The following ROBO1 variants were observed in gnomAD, a reference collection of about 807,000 sequenced individuals.
ROBO1 encodes roundabout guidance receptor 1.
Under a neutral mutation model 195.9 loss-of-function variants are expected in ROBO1, and 149 were observed. The ratio of observed to expected loss-of-function variants is 0.76; its 90% CI spans 0.67 to 0.87. The LOEUF is 0.87. ROBO1 is among the 40% of genes least tolerant of loss of function. ROBO1 has a pLI of 0.00. For missense variants in ROBO1, 1,933 were observed against 2,068.3 expected (o/e 0.93, Z 1.27); for synonymous variants, 816 against 733.2 (o/e 1.11, Z -1.82).
intron 2 of ROBO1, among the ~76,000 whole-genome samples, chr3:79,417,763 A>G (rs2038064038): frequency 1.3e-5 from 2 of 152,162 alleles, no homozygotes; most frequent in African/African-American, 4.8e-5. Flanking sequence ...AATTTGCACA[A>G]TTGCATTCTA....
intron 4 of ROBO1, chr3:78,759,044 G>A (rs2083018640): frequency 6.6e-6 from 1 of 152,278 alleles, no homozygotes; most frequent in Non-Finnish European, 1.5e-5. Flanking sequence ...AGAGGTGCTG[G>A]AGAGCGCCTT....
intron 2 of ROBO1, among the ~76,000 whole-genome samples, chr3:79,178,852 A>G (rs750401816): frequency 6.6e-6 from 1 of 152,200 alleles, no homozygotes; most frequent in Non-Finnish European, 1.5e-5. Context: ...ATAACGTTCA[A>G]TCTCAAAATC....
chr3:78,641,358 A>G (rs369491464), intron 21 of ROBO1, among the ~76,000 whole-genome samples: 3 of 152,304 alleles, frequency 2.0e-5, no homozygotes, highest in Admixed American at 2.0e-4. Flanking sequence ...GAGAGTACTA[A>G]AAGTTCCTAA....
intron 2 of ROBO1, among the ~76,000 whole-genome samples, chr3:79,457,247 A>G (rs1271612078): frequency 6.6e-6 from 1 of 152,170 alleles, no homozygotes; most frequent in African/African-American, 2.4e-5. Flanking sequence ...CTTTTGCAAA[A>G]TAATTTTTAA....
chr3:79,065,244 A>C (rs942865968), intron 3 of ROBO1, among the ~76,000 whole-genome samples: 4 of 151,996 alleles, frequency 2.6e-5, no homozygotes, highest in Non-Finnish European at 5.9e-5. Context: ...TGTGGGTACA[A>C]AGCATATTAG....
intron 19 of ROBO1, among the ~76,000 whole-genome samples, chr3:78,650,967 C>T (rs1013691804): frequency 6.6e-6 from 1 of 152,142 alleles, no homozygotes; most frequent in African/African-American, 2.4e-5. Flanking sequence ...ATCTGTCTGA[C>T]ACTGTTAACA....
At chr3:79,668,489 T>A (rs1946537328) in intron 1 of ROBO1, among the ~76,000 whole-genome samples, 1 of 151,606 alleles carries the variant, frequency 6.6e-6, no homozygotes, top group Non-Finnish European at 1.5e-5. Flanking sequence ...TTTAAAAATC[T>A]AATTAATTAG....
intron 3 of ROBO1, among the ~76,000 whole-genome samples, chr3:79,007,307 A>C (rs528795579): frequency 1.3e-5 from 2 of 152,310 alleles, no homozygotes; most frequent in South Asian, 2.1e-4. Flanking sequence ...AAGTTTTATA[A>C]AAATTGTAAA....
intron 4 of ROBO1, among the ~76,000 whole-genome samples, chr3:78,793,902 C>A (rs921498476): frequency 2.6e-5 from 4 of 151,816 alleles, no homozygotes; most frequent in African/African-American, 9.7e-5. Context: ...CAAAGAAGCA[C>A]TGAATTATTT....
At chr3:79,125,058 T>G (rs1007200533) in intron 3 of ROBO1, among the ~76,000 whole-genome samples, 1 of 150,528 alleles carries the variant, frequency 6.6e-6, no homozygotes, top group African/African-American at 2.5e-5. Context: ...AGACTACAAG[T>G]GTAAAAAAAA....
chr3:79,405,311 C>T (rs930541264), intron 2 of ROBO1, among the ~76,000 whole-genome samples: 11 of 152,168 alleles, frequency 7.2e-5, no homozygotes, highest in Non-Finnish European at 5.9e-5. Flanking sequence ...GCCACTGGTG[C>T]TCAGATGATT....
intron 1 of ROBO1, among the ~76,000 whole-genome samples, chr3:79,669,436 T>C (rs957925409): frequency 6.6e-6 from 1 of 151,906 alleles, no homozygotes; most frequent in African/African-American, 2.4e-5. Flanking sequence ...ACAATCGTAA[T>C]GCAACACATT....
In ROBO1 at chr3:79,681,386, G is replaced by C. The variant is rs187459262; in HGVS notation, c.-51+86366C>G. ...TTTGGCCCTAACTAGAAAATATAAA[G>C]AGCTTTCAGAGAAGCAGTTGAGTAT... is the stretch of plus-strand genomic sequence containing the variant. On this transcript the variant is annotated intron_variant, in intron 1 of 30. Coordinates refer to ENST00000464233, the MANE Select transcript of ROBO1 (RefSeq NM_002941.4). Among the ~76,000 whole-genome samples the C allele has an allele frequency of 9.2e-5, 14 of 152,028 alleles. 1 individual carries two copies. The South Asian group carries it at 2.5e-3, about 27-fold the overall frequency.
intron 2 of ROBO1, among the ~76,000 whole-genome samples, chr3:79,347,131 C>T (rs1024250799): frequency 6.6e-6 from 1 of 152,052 alleles, no homozygotes; most frequent in Non-Finnish European, 1.5e-5. Flanking sequence ...CCCATTTCGA[C>T]AGTATTTATA....
chr3:79,004,200 AT>A (rs553410796), intron 3 of ROBO1, among the ~76,000 whole-genome samples: 29 of 151,632 alleles, frequency 1.9e-4, no homozygotes, highest in African/African-American at 5.1e-4. Flanking sequence ...AAGACTTTTG[AT>A]TTTTTTTTAA....
chr3:79,478,387 A>ACCCCCCCCCC (rs57654273), intron 2 of ROBO1, among the ~76,000 whole-genome samples: 1 of 137,626 alleles, frequency 7.3e-6, no homozygotes, highest in African/African-American at 2.7e-5. Flanking sequence ...CTGCAGACCA[A>ACCCCCCCCCC]CCCCCCCACC....
At chr3:78,818,274 G>A (rs1212581011) in intron 4 of ROBO1, among the ~76,000 whole-genome samples, 1 of 152,164 alleles carries the variant, frequency 6.6e-6, no homozygotes, top group Non-Finnish European at 1.5e-5. Context: ...TTAGGTTGCC[G>A]CTGGTACTGT....
In ROBO1 at chr3:78,714,407, C is replaced by T. The variant is rs2081845934; in HGVS notation, c.1035G>A (p.Leu345=). The T allele has an allele frequency of 6.2e-7, 1 of 1,612,004 alleles. No homozygotes were observed. The highest frequency in any genetic ancestry group is 8.5e-7 in the Non-Finnish European group (1 of 1,179,056). The stretch of plus-strand genomic sequence containing the variant: ...TTTCCCAATGCCTACCTTGAACAGT[C>T]AGAGTAGCAGATGCTTCAGCTTTGC... ...MVGKAEASAT[L]TVQEPPHFVV... is the part of the protein sequence containing the mutation. Residue 345 remains leucine (L), a synonymous_variant, in exon 8 of 31, where the codon CTG becomes CTA. Transcript: ENST00000464233.
chr3:79,385,698 C>A (rs2036717726), intron 2 of ROBO1, among the ~76,000 whole-genome samples: 1 of 152,014 alleles, frequency 6.6e-6, no homozygotes, highest in African/African-American at 2.4e-5. Flanking sequence ...TCAGTTGCTA[C>A]CTGGTAGACA....
Sources: gnomAD v4.1 joint callset for allele counts (sites outside exome capture counted in the v4.1 genomes callset) on GRCh38, gnomAD v4.1.1 for gene constraint, MANE v1.5 for transcripts, NCBI Gene and HGNC (gene_info 2026-07-23, HGNC 2026-07-21) for gene names.